Variants in ABCA3 observed in about 807,000 individuals in gnomAD.
ABCA3 encodes phospholipid-transporting ATPase ABCA3.
A neutral mutation model predicts 172.8 loss-of-function variants in ABCA3; 88 were observed. That is an observed-to-expected ratio of 0.51 (90% CI 0.43 to 0.61). The LOEUF (loss-of-function observed/expected upper bound fraction) is 0.61. Ranked by LOEUF, ABCA3 falls within the 20% of genes least tolerant of loss-of-function variation. The pLI is 0.00. For synonymous variants in ABCA3, 1,066 were observed against 983.8 expected, an observed-to-expected ratio of 1.08 and a Z score of -1.56; for missense variants, 2,164 against 2,301.0, an observed-to-expected ratio of 0.94 and a Z score of 1.22.
chr16:2,281,368 A>T lies in ABCA3; in HGVS notation c.4164+13T>A. 6.2e-7 allele frequency: 1 copy of T among 1,613,514 alleles called. No homozygotes were observed. The highest frequency in any genetic ancestry group is 1.1e-5 in the South Asian group (1 of 91,082). ...GCTGGCAGGAAGGACTCCACCCCAA[A>T]TTGCAAGGGTACCTTGGAGAGCTCC... is the stretch of plus-strand genomic sequence containing the variant. On this transcript the variant is annotated intron_variant, in intron 27 of 32. Coordinates refer to ENST00000301732, the MANE Select transcript of ABCA3 (RefSeq NM_001089.3). This position sits in a 1 kb window ranked among gnomAD's most constrained non-coding sequence, Gnocchi z 4.7.
chr16:2,337,206 T>C (rs999552913), intron 1 of ABCA3, among the ~76,000 whole-genome samples: 1 of 151,900 alleles, frequency 6.6e-6, no homozygotes, highest in South Asian at 2.1e-4. Flanking sequence ...TGAGCCACCA[T>C]GTCTGTCTGG....
intron 1 of ABCA3, among the ~76,000 whole-genome samples, chr16:2,330,856 G>A (rs2093742060): frequency 2.0e-5 from 3 of 151,654 alleles, no homozygotes; most frequent in African/African-American, 2.4e-5. Context: ...CCACCACAGC[G>A]CCCGGCTAAT....
intron 12 of ABCA3, 149 bp downstream of exon 12, chr16:2,303,820 C>T (rs1209034058): frequency 1.9e-5 from 17 of 877,006 alleles, no homozygotes; most frequent in African/African-American, 5.0e-5. Context: ...TCGGGGGACA[C>T]GCCACTCCCT....
chr16:2,278,103 G>C lies in ABCA3; in HGVS notation c.4719-34C>G. 2 of 1,612,320 alleles carry C rather than the reference G, an allele frequency of 1.2e-6. No homozygotes were observed. The highest frequency in any genetic ancestry group is 1.7e-4 in the Middle Eastern group (1 of 6,024). ...AGGGCGGGACCTCAGATAGGGCTTG[G>C]GGTGCCAAAGGCTTGTGCAGACAGG... On this transcript the variant is annotated intron_variant, in intron 30 of 32. Transcript: ENST00000301732. The surrounding 1 kb of genome is among the most constrained non-coding windows in gnomAD (Gnocchi z 4.4).
Sources: allele counts gnomAD v4.1 joint callset (sites outside exome capture counted in the v4.1 genomes callset), GRCh38; gene constraint gnomAD v4.1.1; non-coding constraint Gnocchi (gnomAD v3.1); transcripts MANE v1.5; gene names NCBI Gene and HGNC (gene_info 2026-07-23, HGNC 2026-07-21).